The following UGT1A8 variants were observed in gnomAD, a reference collection of about 807,000 sequenced individuals.
The protein encoded by UGT1A8 is UDP-glucuronosyltransferase 1A8.
A neutral mutation model predicts 45.3 loss-of-function variants in UGT1A8; 39 were observed. That is an observed-to-expected ratio of 0.86 (90% CI 0.67 to 1.12). The LOEUF (loss-of-function observed/expected upper bound fraction) is 1.12, where lower values mean the gene tolerates loss of function less well. Ranked by LOEUF, UGT1A8 falls within the 50% of genes most tolerant of loss-of-function variation. The pLI, the probability that UGT1A8 is intolerant of heterozygous loss-of-function variation, is 0.00. For missense variants in UGT1A8, 719 were observed against 664.9 expected, an observed-to-expected ratio of 1.08 and a Z score of -0.90; for synonymous variants, 275 against 249.2, an observed-to-expected ratio of 1.10 and a Z score of -0.97.
chr2:233,635,532 G>T (rs1220019082), intron 1 of UGT1A8, among the ~76,000 whole-genome samples: 1 of 150,814 alleles, frequency 6.6e-6, no homozygotes, highest in Non-Finnish European at 1.5e-5. Context: ...AGGGATCCAT[G>T]CCCATGACCC....
chr2:233,690,431 T>C, intron 1 of UGT1A8: 1 of 1,261,160 alleles, frequency 7.9e-7, no homozygotes, highest in Non-Finnish European at 1.0e-6. Flanking sequence ...TGCACATCTT[T>C]GGGTCTCTCC....
chr2:233,668,005 C>T (rs932189592), intron 1 of UGT1A8, among the ~76,000 whole-genome samples: 3 of 152,018 alleles, frequency 2.0e-5, no homozygotes, highest in Non-Finnish European at 2.9e-5. Flanking sequence ...ACTAAGAATT[C>T]CCATATATCT....
intron 1 of UGT1A8, among the ~76,000 whole-genome samples, chr2:233,696,927 TA>T (rs2075366048): frequency 6.6e-6 from 1 of 152,164 alleles, no homozygotes; most frequent in Non-Finnish European, 1.5e-5. Flanking sequence ...AATATATCAA[TA>T]AATGCATCAG....
chr2:233,755,203 AC>A (rs1695811923), intron 1 of UGT1A8: 1 of 1,097,556 alleles, frequency 9.1e-7, no homozygotes, highest in East Asian at 4.8e-5. Flanking sequence ...AGCTTGCGGT[AC>A]GCCTTCTTGA....
chr2:233,617,750 T>C lies in UGT1A8; in HGVS notation c.43T>C (p.Ser15Pro). The change falls in exon 1 of 5, where the codon TCT (serine) becomes CCT (proline). Residue 15 changes from serine (S) to proline (P), a missense_variant. Ser to Pro is a moderately conservative substitution (Grantham distance 74). Transcript: ENST00000373450. ...GACCAGCCCCATTCCCCTATGTGTT[T>C]CTCTGCTGCTGACCTGTGGCTTTGC... ...GWTSPIPLCV[S>P]LLLTCGFAEA... The C allele has an allele frequency of 6.2e-7, 1 of 1,614,160 alleles. No individual in the cohort carries two copies. Among genetic ancestry groups the C allele is most frequent in the South Asian group, 1.1e-5 (1 of 91,074 alleles).
intron 1 of UGT1A8, chr2:233,671,702 G>A (rs1188583149): frequency 3.5e-6 from 2 of 570,372 alleles, no homozygotes; most frequent in Non-Finnish European, 4.4e-6. Flanking sequence ...TGCCCCCAAG[G>A]CAAAGACCAT....
chr2:233,703,336 C>G (rs766633275), intron 1 of UGT1A8, among the ~76,000 whole-genome samples: 3 of 151,932 alleles, frequency 2.0e-5, no homozygotes, highest in Non-Finnish European at 4.4e-5. Context: ...AGTCTTCTCT[C>G]TTTTTTCTTT....
chr2:233,748,205 G>A, intron 1 of UGT1A8: 1 of 1,514,056 alleles, frequency 6.6e-7, no homozygotes. Context: ...TGTCGTAATA[G>A]CCTTCAGTGA....
At chr2:233,677,756 G>A (rs1282372066) in intron 1 of UGT1A8, among the ~76,000 whole-genome samples, 1 of 151,930 alleles carries the variant, frequency 6.6e-6, no homozygotes, top group Non-Finnish European at 1.5e-5. Flanking sequence ...ATCCCCTGTG[G>A]GAAGTAGTTT....
rs2013021 is a variant in UGT1A8 at position 233,712,440 on chromosome 2, C to A, written c.856-54594C>A. ...ACAAGAAATATCCTGGTGTGAAAAA[C>A]GACCAAAACCAGATAGCCAGCCTCC... On this transcript the variant is annotated intron_variant, in intron 1 of 4. Coordinates refer to ENST00000373450, the MANE Select transcript of UGT1A8 (RefSeq NM_019076.5). 3.9e-5 allele frequency among the ~76,000 whole-genome samples: 6 copies of A among 152,200 alleles called. No individual in the cohort carries two copies. In the East Asian group the frequency reaches 9.7e-4, roughly 25 times the overall value.
At chr2:233,646,047 A>T (rs948095328) in intron 1 of UGT1A8, among the ~76,000 whole-genome samples, 3 of 152,190 alleles carry the variant, frequency 2.0e-5, no homozygotes, top group African/African-American at 7.2e-5. Context: ...AGAGGTTCCC[A>T]AACCTCAATT....
At position 233,772,663 on chromosome 2, in the gene UGT1A8, A is replaced by G. The variant is rs1700540831; in HGVS notation, c.*104A>G. The G allele has an allele frequency of 5.2e-6, 8 of 1,539,906 alleles. No homozygotes were observed. Among genetic ancestry groups the G allele is most frequent in the Non-Finnish European group, 7.0e-6 (8 of 1,144,332 alleles). On this transcript the variant is annotated 3_prime_UTR_variant, in exon 5 of 5. Coordinates refer to ENST00000373450, the MANE Select transcript of UGT1A8 (RefSeq NM_019076.5). Reference sequence around the variant, plus strand: ...TTCATTTTATTCTTATTAAGGAAATACTTTGCATAAATTAATCAGCCCCAG... The same window carrying G: ...TTCATTTTATTCTTATTAAGGAAATGCTTTGCATAAATTAATCAGCCCCAG...
intron 1 of UGT1A8, among the ~76,000 whole-genome samples, chr2:233,727,281 G>A (rs1431266686): frequency 6.6e-6 from 1 of 152,122 alleles, no homozygotes; most frequent in Non-Finnish European, 1.5e-5. Flanking sequence ...CCAGACCCTG[G>A]AAGCTGATGA....
chr2:233,687,852 A>G (rs1207002095), intron 1 of UGT1A8, among the ~76,000 whole-genome samples: 3 of 152,162 alleles, frequency 2.0e-5, no homozygotes, highest in Non-Finnish European at 4.4e-5. Context: ...AGGCTGCAGT[A>G]AGCCATGACT....
chr2:233,737,856 T>C (rs1690612463), intron 1 of UGT1A8, among the ~76,000 whole-genome samples: 1 of 152,152 alleles, frequency 6.6e-6, no homozygotes, highest in Admixed American at 6.5e-5. Context: ...ACTCTTGCTA[T>C]GCCCCTTAAG....
chr2:233,765,844 C>G (rs997504549), intron 1 of UGT1A8, among the ~76,000 whole-genome samples: 1 of 152,044 alleles, frequency 6.6e-6, no homozygotes, highest in African/African-American at 2.4e-5. Flanking sequence ...TTCCTTGTCC[C>G]CCTCACAGAG....
chr2:233,634,424 CTATTATTGTA>C lies in UGT1A8; in HGVS notation c.855+15864_855+15873del, dbSNP rs1402672116. Among the ~76,000 whole-genome samples the C allele has an allele frequency of 2.6e-5, 4 of 152,044 alleles. No homozygotes were observed. In the East Asian group the frequency reaches 7.7e-4, roughly 29 times the overall value. ...GACAATGGAGTGTTAAAGTCTCCCA[CTATTATTGTA>C]TGGGAGCCTAAGTCTCTTTGTAGGT... On this transcript the variant is annotated intron_variant, in intron 1 of 4. Transcript: ENST00000373450.
chr2:233,708,355 T>C (rs1440187432), intron 1 of UGT1A8: 1 of 152,252 alleles, frequency 6.6e-6, no homozygotes, highest in African/African-American at 2.4e-5. Flanking sequence ...ATTTCCCTTA[T>C]TAATTCTTCA....
chr2:233,672,841 A>T, intron 1 of UGT1A8: 3 of 1,554,616 alleles, frequency 1.9e-6, no homozygotes, highest in Non-Finnish European at 2.6e-6. Context: ...TTGGAAATTA[A>T]AAAAGGATTC....
Sources: gnomAD v4.1 joint callset for allele counts (sites outside exome capture counted in the v4.1 genomes callset) on GRCh38, gnomAD v4.1.1 for gene constraint, MANE v1.5 for transcripts, NCBI Gene and HGNC (gene_info 2026-07-23, HGNC 2026-07-21) for gene names.